SGCZ: variants seen among roughly 807,000 people sequenced by gnomAD.
The protein encoded by SGCZ is zeta-sarcoglycan.
A neutral mutation model predicts 41.3 loss-of-function variants in SGCZ; 40 were observed. The observed-to-expected ratio is 0.97, with a 90% CI of 0.75 to 1.26. SGCZ has a LOEUF of 1.26. Among genes scored for constraint, SGCZ ranks in the 50% most tolerant of loss-of-function variants. The probability of loss-of-function intolerance (pLI) is 0.00; values close to 1 mark genes in which losing one functional copy is unlikely to be tolerated. For missense variants in SGCZ, 552 were observed against 369.8 expected (o/e 1.49, Z -4.04); for synonymous variants, 206 against 137.5 (o/e 1.50, Z -3.49).
At chr8:14,259,322 C>T (rs1799570772) in intron 3 of SGCZ, among the ~76,000 whole-genome samples, 1 of 152,034 alleles carries the variant, frequency 6.6e-6, no homozygotes, top group African/African-American at 2.4e-5. Flanking sequence ...TAATTAGATC[C>T]CATTTGTCAA....
intron 1 of SGCZ, among the ~76,000 whole-genome samples, chr8:14,913,237 C>A (rs1017301721): frequency 3.3e-5 from 5 of 151,992 alleles, no homozygotes; most frequent in African/African-American, 7.2e-5. Context: ...TTTGCATGAA[C>A]TTCATATTGA....
intron 5 of SGCZ, among the ~76,000 whole-genome samples, chr8:14,119,001 C>T (rs2117030390): frequency 6.6e-6 from 1 of 152,254 alleles, no homozygotes; most frequent in Admixed American, 6.5e-5. Context: ...AGCATGATCC[C>T]TCCAGCTTTG....
intron 1 of SGCZ, among the ~76,000 whole-genome samples, chr8:14,722,349 A>C (rs1476945625): frequency 1.3e-5 from 2 of 152,234 alleles, no homozygotes; most frequent in East Asian, 3.9e-4. Context: ...AATAATTTTC[A>C]AAAGCATGTA....
chr8:14,875,425 C>A (rs1404648974), intron 1 of SGCZ, among the ~76,000 whole-genome samples: 1 of 152,094 alleles, frequency 6.6e-6, no homozygotes, highest in Non-Finnish European at 1.5e-5. Flanking sequence ...CAAACCATAG[C>A]AGAAGGATTC....
In SGCZ at chr8:14,865,422, T is replaced by C. The variant is rs1803894459; in HGVS notation, c.40-310496A>G. Among the ~76,000 whole-genome samples the C allele has an allele frequency of 5.6e-5, 8 of 141,696 alleles. 1 individual carries two copies. In the South Asian group the frequency reaches 1.8e-3, roughly 31 times the overall value. 93.0% of individuals were successfully genotyped at this position (141,696 alleles called of 152,430 possible). A position where few individuals can be genotyped will look rare whatever the true frequency, so the allele number is the denominator to read the frequency against. Reference sequence around the variant, plus strand: ...AGCCAAAGATTTCTCCTCTTTAAATTACTTCTTGCTCTGCCCTCAGGAACA... The same window carrying C: ...AGCCAAAGATTTCTCCTCTTTAAATCACTTCTTGCTCTGCCCTCAGGAACA... On this transcript the variant is annotated intron_variant, in intron 1 of 7. Coordinates refer to ENST00000382080, the MANE Select transcript of SGCZ (RefSeq NM_139167.4).
chr8:14,752,108 CAAAA>C (rs1391696803), intron 1 of SGCZ, among the ~76,000 whole-genome samples: 4 of 12,554 alleles, frequency 3.2e-4, no homozygotes, highest in Admixed American at 2.0e-3. Context: ...ATACCGAAAA[CAAAA>C]GAAAACAAAA....
Position 14,513,798 on chromosome 8 carries a change from G to A in SGCZ, c.234+40934C>T, listed in dbSNP as rs539318375. Among the ~76,000 whole-genome samples, 23 of 152,084 alleles carry A rather than the reference G, an allele frequency of 1.5e-4. No homozygotes were observed. In the South Asian group the frequency reaches 1.7e-3, roughly 11 times the overall value. On this transcript the variant is annotated intron_variant, in intron 2 of 7. Transcript: ENST00000382080. Reference sequence around the variant, plus strand: ...AAATATGCACCAGCCCCAATATATCGAAATGTATTTGAATCTTCCTCCCTC... The same window carrying A: ...AAATATGCACCAGCCCCAATATATCAAAATGTATTTGAATCTTCCTCCCTC...
At chr8:14,651,517 G>C (rs10097358) in intron 1 of SGCZ, among the ~76,000 whole-genome samples, 23,249 of 151,978 alleles carry the variant, frequency 0.15, 2,233 homozygotes, top group Admixed American at 0.23. Flanking sequence ...GCTTTTAAGC[G>C]TGGATGAATT....
At chr8:14,479,586 T>C (rs1801465026) in intron 2 of SGCZ, among the ~76,000 whole-genome samples, 1 of 152,190 alleles carries the variant, frequency 6.6e-6, no homozygotes, top group Admixed American at 6.5e-5. Context: ...CTATCATCCC[T>C]GCAATTTTCT....
intron 1 of SGCZ, among the ~76,000 whole-genome samples, chr8:15,041,748 G>C (rs970375644): frequency 6.6e-6 from 1 of 152,044 alleles, no homozygotes; most frequent in Non-Finnish European, 1.5e-5. Flanking sequence ...GATTGGGAAA[G>C]ACTTTTTAAT....
intron 1 of SGCZ, among the ~76,000 whole-genome samples, chr8:15,151,388 G>A (rs1441912502): frequency 1.3e-5 from 2 of 152,178 alleles, no homozygotes. Flanking sequence ...TGCTACAATA[G>A]ATTACAAATA....
At chr8:14,111,562 G>A (rs1802372777) in intron 5 of SGCZ, among the ~76,000 whole-genome samples, 1 of 152,162 alleles carries the variant, frequency 6.6e-6, no homozygotes, top group East Asian at 1.9e-4. Flanking sequence ...TTAAGGGGCT[G>A]TTCAAAAGGG....
intron 1 of SGCZ, among the ~76,000 whole-genome samples, chr8:15,121,803 G>A (rs994333760): frequency 1.1e-4 from 17 of 151,114 alleles, no homozygotes; most frequent in Admixed American, 3.3e-4. Context: ...TTTGAAAACA[G>A]TGCCAATATG....
At chr8:14,968,075 C>T (rs953986046) in intron 1 of SGCZ, among the ~76,000 whole-genome samples, 1 of 152,076 alleles carries the variant, frequency 6.6e-6, no homozygotes, top group Non-Finnish European at 1.5e-5. Context: ...ATATAATAAG[C>T]ATAAGAATAA....
At chr8:14,153,946 C>G (rs1429327148) in intron 5 of SGCZ, among the ~76,000 whole-genome samples, 8 of 151,556 alleles carry the variant, frequency 5.3e-5, no homozygotes, top group Non-Finnish European at 1.0e-4. Context: ...CACAGACACA[C>G]ACACACACAC....
At position 14,654,112 on chromosome 8, in the gene SGCZ, T is replaced by G. The variant is rs576881618; in HGVS notation, c.40-99186A>C. Among the ~76,000 whole-genome samples, 3 of 152,038 alleles carry G rather than the reference T, an allele frequency of 2.0e-5. No individual in the cohort carries two copies. In the South Asian group the frequency reaches 6.2e-4, roughly 32 times the overall value. ...GTTAACATTCAATAACTTTTGCATA[T>G]ATATATATACACACACACACAGAGT... On this transcript the variant is annotated intron_variant, in intron 1 of 7. Transcript: ENST00000382080.
chr8:14,592,946 G>C (rs1029204066), intron 1 of SGCZ, among the ~76,000 whole-genome samples: 2 of 152,166 alleles, frequency 1.3e-5, no homozygotes, highest in South Asian at 4.1e-4. Flanking sequence ...TCAGACATCA[G>C]TTTCTCTACT....
chr8:15,096,929 C>T (rs548104707), intron 1 of SGCZ, among the ~76,000 whole-genome samples: 18 of 152,138 alleles, frequency 1.2e-4, no homozygotes, highest in Admixed American at 2.6e-4. Flanking sequence ...TCGTGATCCA[C>T]CCACCTCGGC....
chr8:14,308,094 T>C (rs1248629165), intron 3 of SGCZ, among the ~76,000 whole-genome samples: 2 of 152,114 alleles, frequency 1.3e-5, no homozygotes, highest in African/African-American at 2.4e-5. Flanking sequence ...TTGTCAAAAA[T>C]GAACTTGCTA....
Sources: allele counts gnomAD v4.1 joint callset (sites outside exome capture counted in the v4.1 genomes callset), GRCh38; gene constraint gnomAD v4.1.1; transcripts MANE v1.5; gene names NCBI Gene and HGNC (gene_info 2026-07-23, HGNC 2026-07-21).